ELAVL1: variants seen among roughly 807,000 people sequenced by gnomAD.
ELAVL1 encodes the protein ELAV-like protein 1.
ELAVL1 carries 1 observed loss-of-function variant against 28.4 expected under a neutral mutation model. The observed-to-expected ratio is 0.04, with a 90% CI of 0.01 to 0.17. ELAVL1 has a LOEUF of 0.17. Among genes scored for constraint, ELAVL1 ranks in the 10% least tolerant of loss-of-function variants. ELAVL1 has a pLI of 1.00. For missense variants in ELAVL1, 157 were observed against 447.2 expected, an observed-to-expected ratio of 0.35 and a Z score of 5.85; for synonymous variants, 174 against 183.5, an observed-to-expected ratio of 0.95 and a Z score of 0.42.
intron 2 of ELAVL1, among the ~76,000 whole-genome samples, chr19:7,987,101 C>A (rs1011750867): frequency 1.3e-5 from 1 of 75,646 alleles, no homozygotes; most frequent in East Asian, 4.5e-4. Flanking sequence ...AGAGTAGAGC[C>A]TGACCGGGGG....
intron 2 of ELAVL1, among the ~76,000 whole-genome samples, chr19:7,986,915 C>T (rs1448564153): frequency 3.3e-5 from 5 of 152,046 alleles, no homozygotes; most frequent in African/African-American, 1.2e-4. Flanking sequence ...CAAAAGCTAA[C>T]AGCGGTATGA....
At chr19:7,971,657 G>A (rs1985115057) in intron 4 of ELAVL1, among the ~76,000 whole-genome samples, 1 of 152,242 alleles carries the variant, frequency 6.6e-6, no homozygotes. Flanking sequence ...CGGCGGCCGT[G>A]CGAGTGAGCC....
intron 5 of ELAVL1, among the ~76,000 whole-genome samples, chr19:7,964,570 C>G (rs1056993408): frequency 6.6e-6 from 1 of 152,094 alleles, no homozygotes; most frequent in African/African-American, 2.4e-5. Context: ...CATGGTGGCT[C>G]AAGCACGGAA....
At chr19:7,978,375 A>G (rs1985360836) in intron 3 of ELAVL1, among the ~76,000 whole-genome samples, 1 of 151,856 alleles carries the variant, frequency 6.6e-6, no homozygotes, top group Non-Finnish European at 1.5e-5. Flanking sequence ...CCTGACCTCC[A>G]GGGTGGGGGA....
At chr19:7,995,340 G>T (rs1299517866) in intron 1 of ELAVL1, among the ~76,000 whole-genome samples, 1 of 151,976 alleles carries the variant, frequency 6.6e-6, no homozygotes, top group Non-Finnish European at 1.5e-5. Context: ...CTTTCTCTAA[G>T]AGTTAGGCAT....
rs990802883 is a variant in ELAVL1, at chr19:7,960,253, G to C, written c.*3230C>G. The stretch of plus-strand genomic sequence containing the variant: ...ACAGCAGCACGGTTCAGTCCCTGGA[G>C]GCTGGGTCTCCAGGACTAAGGCCAA... On this transcript the variant is annotated 3_prime_UTR_variant, in exon 6 of 6. Transcript: ENST00000407627. The C allele has an allele frequency of 2.6e-5, 4 of 152,198 alleles. No homozygotes were observed. Among genetic ancestry groups the C allele is most frequent in the African/African-American group, 9.7e-5 (4 of 41,432 alleles). The allele number at this position is 152,198 out of a possible 1,614,324, so 9.4% of individuals were successfully genotyped here.
chr19:7,967,995 T>C (rs1328364187), intron 4 of ELAVL1, among the ~76,000 whole-genome samples: 3 of 152,336 alleles, frequency 2.0e-5, no homozygotes, highest in African/African-American at 7.2e-5. Context: ...TCAGACTTTC[T>C]TCCCGGCTGA....
At chr19:8,001,106 A>AC (rs2081066350) in intron 1 of ELAVL1, among the ~76,000 whole-genome samples, 1 of 151,984 alleles carries the variant, frequency 6.6e-6, no homozygotes, top group Admixed American at 6.6e-5. Flanking sequence ...TGGGGATGTC[A>AC]CCCCTTGCTC....
At position 7,995,690 on chromosome 19, in the gene ELAVL1, A is replaced by C. The variant is rs530263527; in HGVS notation, c.-16-3859T>G. 3.9e-3 allele frequency among the ~76,000 whole-genome samples: 600 copies of C among 152,334 alleles called. 2 individuals are homozygous for C. The highest frequency in any genetic ancestry group is 0.014 in the African/African-American group (564 of 41,580). On this transcript the variant is annotated intron_variant, in intron 1 of 5. Coordinates refer to ENST00000407627, the MANE Select transcript of ELAVL1 (RefSeq NM_001419.3). ...AAAAAATCTGCCGACCTCTGTTTTA[A>C]AATGTAAAAACATAAAATTTCTTGG...
chr19:8,000,642 C>T (rs1426419930), intron 1 of ELAVL1, among the ~76,000 whole-genome samples: 1 of 152,238 alleles, frequency 6.6e-6, no homozygotes, highest in Non-Finnish European at 1.5e-5. Context: ...TCAGGAAATG[C>T]TCTGCTGCCA....
At chr19:7,975,644 C>T (rs1393898337) in intron 3 of ELAVL1, among the ~76,000 whole-genome samples, 4 of 152,214 alleles carry the variant, frequency 2.6e-5, no homozygotes, top group Admixed American at 2.6e-4. Context: ...GGGGTTCAAT[C>T]GTGTTCCCCC....
In ELAVL1 at chr19:7,967,686, T is replaced by C. The variant is rs1984993035; in HGVS notation, c.535A>G (p.Ile179Val). 1 of 1,614,228 alleles carries C rather than the reference T, an allele frequency of 6.2e-7. No homozygotes were observed. The highest frequency in any genetic ancestry group is 1.3e-5 in the African/African-American group (1 of 75,054). Residue 179 changes from isoleucine (I) to valine (V), a missense_variant, in exon 5 of 6, where the codon ATC (isoleucine) becomes GTC (valine). By Grantham distance (29) the Ile-to-Val change is conservative. Around this residue, in one of 4 missense-constraint regions of ELAVL1, gnomAD observed 107 missense variants for 310.4 expected, o/e 0.34. Transcript: ENST00000407627. Reference protein sequence around the residue: ...GHKPPGSSEPITVKFAANPNQ... With the variant: ...GHKPPGSSEPVTVKFAANPNQ... ...GGGTTGGCTGCAAACTTCACTGTGA[T>C]GGGCTCAGAGGAACCTGGGGGTTTA...
chr19:7,976,489 T>G (rs2336091), intron 3 of ELAVL1, among the ~76,000 whole-genome samples: 35,312 of 151,826 alleles, frequency 0.23, 4,385 homozygotes, highest in Non-Finnish European at 0.29. Flanking sequence ...CAGGGAGAAG[T>G]CTGTGTGAAG....
At chr19:7,984,914 A>C (rs1985560474) in intron 2 of ELAVL1, among the ~76,000 whole-genome samples, 3 of 152,206 alleles carry the variant, frequency 2.0e-5, no homozygotes, top group Admixed American at 6.5e-5. Flanking sequence ...ATGAAGTCAG[A>C]AAAGGAGGAG....
In ELAVL1 at chr19:7,977,155, C is replaced by T. The variant is rs529698335; in HGVS notation, c.277-3277G>A. Among the ~76,000 whole-genome samples the T allele has an allele frequency of 5.3e-5, 8 of 152,304 alleles. No individual in the cohort carries two copies. In the East Asian group the frequency reaches 5.8e-4, roughly 11 times the overall value. ...GCGCAGTAGCCACTGCTGTGAAGAA[C>T]GCCTGCCTATCTGCACTGCAGTCCC... is the stretch of plus-strand genomic sequence containing the variant. On this transcript the variant is annotated intron_variant, in intron 3 of 5. Coordinates refer to ENST00000407627, the MANE Select transcript of ELAVL1 (RefSeq NM_001419.3).
rs1984880174 is a variant in ELAVL1 at position 7,963,935 on chromosome 19, C to T, written c.657-128G>A. On this transcript the variant is annotated intron_variant, in intron 5 of 5. Transcript: ENST00000407627. The surrounding 1 kb of genome is among the most constrained non-coding windows in gnomAD (Gnocchi z 4.5). ...GCTCTGCGCAGCCACGAGGTGCTCA[C>T]GGTTGAGACACCTGCATGGGTCAAA... is the stretch of plus-strand genomic sequence containing the variant. 3 of 1,025,406 alleles carry T rather than the reference C, an allele frequency of 2.9e-6. No individual in the cohort carries two copies. The highest frequency in any genetic ancestry group is 3.3e-5 in the South Asian group (2 of 60,476). 63.5% of individuals were successfully genotyped at this position (1,025,406 alleles called of 1,614,324 possible). A position where few individuals can be genotyped will look rare whatever the true frequency, so the allele number is the denominator to read the frequency against.
chr19:7,995,090 G>A (rs190796824), intron 1 of ELAVL1, among the ~76,000 whole-genome samples: 1 of 152,300 alleles, frequency 6.6e-6, no homozygotes, highest in East Asian at 1.9e-4. Flanking sequence ...GGGACCTATA[G>A]ACTTTAATCA....
At chr19:7,977,212 T>G (rs981227630) in intron 3 of ELAVL1, among the ~76,000 whole-genome samples, 1 of 152,204 alleles carries the variant, frequency 6.6e-6, no homozygotes, top group African/African-American at 2.4e-5. Context: ...ACAGGAGTTC[T>G]GCTGTTCTGG....
At chr19:7,980,160 G>A (rs1452591261) in intron 3 of ELAVL1, among the ~76,000 whole-genome samples, 2 of 152,202 alleles carry the variant, frequency 1.3e-5, no homozygotes, top group East Asian at 3.9e-4. Flanking sequence ...AGGGGATTCT[G>A]GCCGGGAAGC....
Sources: allele counts gnomAD v4.1 joint callset (sites outside exome capture counted in the v4.1 genomes callset), GRCh38; gene constraint gnomAD v4.1.1; regional missense constraint gnomAD v4.1.1; non-coding constraint Gnocchi (gnomAD v3.1); transcripts MANE v1.5; gene names NCBI Gene and HGNC (gene_info 2026-07-23, HGNC 2026-07-21).